Variants in CACNA1D observed in about 807,000 individuals in gnomAD.
CACNA1D encodes calcium voltage-gated channel subunit alpha1 D.
Under a neutral mutation model 257.1 loss-of-function variants are expected in CACNA1D, and 55 were observed. The ratio of observed to expected loss-of-function variants is 0.21; its 90% CI spans 0.17 to 0.27. The LOEUF is 0.27. CACNA1D is among the 10% of genes least tolerant of loss of function. The pLI is 1.00. For synonymous variants in CACNA1D, 980 were observed against 1,014.9 expected (o/e 0.97, Z 0.65); for missense variants, 1,876 against 2,784.0 (o/e 0.67, Z 7.34).
chr3:53,762,181 A>C (rs1263323848), intron 30 of CACNA1D, 100 bp downstream of exon 30: 1 of 798,862 alleles, frequency 1.3e-6, no homozygotes, highest in Non-Finnish European at 2.3e-6. Flanking sequence ...GACAAGTCAC[A>C]GATCCCAGTC....
chr3:53,799,923 G>C, intron 40 of CACNA1D: 1 of 396,598 alleles, frequency 2.5e-6, no homozygotes, highest in South Asian at 2.2e-5. Context: ...ACTGAAGACT[G>C]TCACTGAGAC....
chr3:53,512,805 T>G (rs754220815), intron 3 of CACNA1D, among the ~76,000 whole-genome samples: 4 of 152,238 alleles, frequency 2.6e-5, no homozygotes, highest in Non-Finnish European at 5.9e-5. Context: ...ATTATTTTCT[T>G]TGTGTAGTAT....
At chr3:53,755,436 A>T (rs1314412787) in intron 29 of CACNA1D, among the ~76,000 whole-genome samples, 1 of 152,224 alleles carries the variant, frequency 6.6e-6, no homozygotes, top group Admixed American at 6.5e-5. Flanking sequence ...GTAGGCTGAC[A>T]GTTGCCCAGA....
Position 53,732,074 on chromosome 3 carries a change from A to G in CACNA1D, c.2465A>G (p.Asp822Gly). 1 of 1,611,954 alleles carries G rather than the reference A, an allele frequency of 6.2e-7. No homozygotes were observed. The highest frequency in any genetic ancestry group is 8.5e-7 in the Non-Finnish European group (1 of 1,177,958). ...DEDKDPYPPC[D>G]VPVGEEEEEE... Reference sequence around the variant, plus strand: ...GACAAGGACCCCTATCCGCCTTGCGATGTGCCAGGTATGGTGGCGGAGGCC... The same window carrying G: ...GACAAGGACCCCTATCCGCCTTGCGGTGTGCCAGGTATGGTGGCGGAGGCC... The change falls in exon 18 of 48, where the codon GAT becomes GGT. Residue 822 changes from aspartate to glycine, a missense_variant. Physicochemically the swap from Asp to Gly is moderately conservative, Grantham distance 94. Around this residue, in one of 10 missense-constraint regions of CACNA1D, gnomAD observed 78 missense variants for 69.2 expected, o/e 1.13. Transcript: ENST00000350061.
chr3:53,579,607 A>G lies in CACNA1D; in HGVS notation c.484-71172A>G, dbSNP rs116960391. Among the ~76,000 whole-genome samples, 156 of 152,346 alleles carry G rather than the reference A, an allele frequency of 1.0e-3. 2 individuals carry two copies. The East Asian group carries it at 0.026, about 25-fold the overall frequency. On this transcript the variant is annotated intron_variant, in intron 3 of 47. Transcript: ENST00000350061. ...GCAATTCTTGTTCACATAGAAATGA[A>G]CAAAACTGCATTTACCCAGTGATTT...
intron 3 of CACNA1D, among the ~76,000 whole-genome samples, chr3:53,630,385 A>C (rs2093808937): frequency 1.3e-5 from 2 of 152,226 alleles, no homozygotes; most frequent in South Asian, 4.1e-4. Context: ...ACAATAAAAC[A>C]TGTAACATTG....
intron 9 of CACNA1D, among the ~76,000 whole-genome samples, chr3:53,707,237 G>A (rs1172531726): frequency 6.6e-6 from 1 of 152,060 alleles, no homozygotes; most frequent in East Asian, 1.9e-4. Flanking sequence ...GAGCTTGGAT[G>A]CTTCTTGATG....
intron 3 of CACNA1D, among the ~76,000 whole-genome samples, chr3:53,646,829 G>A (rs1232786612): frequency 6.6e-6 from 1 of 152,238 alleles, no homozygotes; most frequent in Non-Finnish European, 1.5e-5. Context: ...TGGATAGACA[G>A]ATGGACAAGT....
Position 53,635,483 on chromosome 3 carries a change from G to T in CACNA1D, c.484-15296G>T, listed in dbSNP as rs138139969. 2.4e-4 allele frequency among the ~76,000 whole-genome samples: 36 copies of T among 152,284 alleles called. 1 individual carries two copies. In the East Asian group the frequency reaches 6.9e-3, roughly 29 times the overall value. Reference sequence around the variant, plus strand: ...ATTTGGGGGGGATCAGGGAAGATGGGTGGGTTATGAGTTAGTTTGCTGGGC... The same window carrying T: ...ATTTGGGGGGGATCAGGGAAGATGGTTGGGTTATGAGTTAGTTTGCTGGGC... On this transcript the variant is annotated intron_variant, in intron 3 of 47. Transcript: ENST00000350061.
At chr3:53,607,394 C>T (rs2093525489) in intron 3 of CACNA1D, among the ~76,000 whole-genome samples, 1 of 152,064 alleles carries the variant, frequency 6.6e-6, no homozygotes, top group African/African-American at 2.4e-5. Flanking sequence ...TCACATGGAC[C>T]CTTAAAATCA....
At position 53,520,287 on chromosome 3, in the gene CACNA1D, G is replaced by A. The variant is rs755337835; in HGVS notation, c.483+18567G>A. ...CATGTGGAGGTTCCAATTTCTGTAC[G>A]TCTTTGCTAACACTTGTTATTGTCT... On this transcript the variant is annotated intron_variant, in intron 3 of 47. Coordinates refer to ENST00000350061, the MANE Select transcript of CACNA1D (RefSeq NM_001128840.3). 9.9e-4 allele frequency among the ~76,000 whole-genome samples: 150 copies of A among 152,248 alleles called. 1 individual carries two copies. In the Middle Eastern group the frequency reaches 0.01, roughly 10 times the overall value.
At chr3:53,750,794 C>T (rs371249108) in intron 27 of CACNA1D, among the ~76,000 whole-genome samples, 81 of 152,264 alleles carry the variant, frequency 5.3e-4, no homozygotes, top group African/African-American at 1.8e-3. Context: ...GGAACCTGTC[C>T]GAAGCCTGCA....
chr3:53,801,775 G>C (rs2095537549), intron 42 of CACNA1D, among the ~76,000 whole-genome samples: 1 of 152,178 alleles, frequency 6.6e-6, no homozygotes. Flanking sequence ...AATATTTTAG[G>C]CTTTGAGAAC....
chr3:53,716,607 C>T (rs2094821366), intron 9 of CACNA1D, among the ~76,000 whole-genome samples: 1 of 151,146 alleles, frequency 6.6e-6, no homozygotes, highest in Non-Finnish European at 1.5e-5. Context: ...TTTGTTTCTG[C>T]ATGAAATAAT....
intron 2 of CACNA1D, among the ~76,000 whole-genome samples, chr3:53,500,372 T>C (rs1575679796): frequency 6.7e-6 from 1 of 148,742 alleles, no homozygotes; most frequent in South Asian, 2.1e-4. Context: ...GAGGCGGAGG[T>C]TGCAGCAAGT....
At chr3:53,718,600 C>CCCCCCCCCCCCCA in intron 10 of CACNA1D, 1 of 1,094,854 alleles carries the variant, frequency 9.1e-7, no homozygotes, top group Non-Finnish European at 1.4e-6. Flanking sequence ...GCCCCCCGGC[C>CCCCCCCCCCCCCA]CAGCATTTCA....
intron 25 of CACNA1D, among the ~76,000 whole-genome samples, chr3:53,746,668 T>C (rs1190439993): frequency 6.6e-6 from 1 of 152,220 alleles, no homozygotes; most frequent in Non-Finnish European, 1.5e-5. Flanking sequence ...TCACACACCG[T>C]TCATGGCGTC....
rs1163103263 is a variant in CACNA1D, at chr3:53,572,370, GTTTGTTTATTTATTTATTTA to G, written c.483+70654_483+70673del. Reference sequence around the variant, plus strand: ...CTCTCTGCCTCTGGTTTGTTTGTTTGTTTGTTTATTTATTTATTTATTTATTTATTTATTTATTTATGTTT... The same window carrying G: ...CTCTCTGCCTCTGGTTTGTTTGTTTGTTTATTTATTTATTTATTTATGTTT... On this transcript the variant is annotated intron_variant, in intron 3 of 47. Coordinates refer to ENST00000350061, the MANE Select transcript of CACNA1D (RefSeq NM_001128840.3). Among the ~76,000 whole-genome samples the G allele has an allele frequency of 2.4e-3, 327 of 133,868 alleles. 3 individuals are homozygous for G. Among genetic ancestry groups the G allele is most frequent in the African/African-American group, 9.5e-3 (304 of 32,044 alleles). 87.8% of individuals were successfully genotyped at this position (133,868 alleles called of 152,430 possible). A position where few individuals can be genotyped will look rare whatever the true frequency, so the allele number is the denominator to read the frequency against.
chr3:53,776,444 C>T (rs906005916), intron 35 of CACNA1D, among the ~76,000 whole-genome samples, 159 bp from the exon 36 acceptor site: 2 of 152,228 alleles, frequency 1.3e-5, no homozygotes, highest in African/African-American at 4.8e-5. Flanking sequence ...GCTAGAATCA[C>T]ACTCTTTTCT....
Sources: allele counts gnomAD v4.1 joint callset (sites outside exome capture counted in the v4.1 genomes callset), GRCh38; gene constraint gnomAD v4.1.1; regional missense constraint gnomAD v4.1.1; transcripts MANE v1.5; gene names NCBI Gene and HGNC (gene_info 2026-07-23, HGNC 2026-07-21).